Variants in ARL15 observed in about 807,000 individuals in gnomAD.
ARL15 encodes ADP-ribosylation factor-like protein 15.
ARL15 carries 19 observed loss-of-function variants against 25.2 expected under a neutral mutation model. That is an observed-to-expected ratio of 0.75 (90% CI 0.53 to 1.10). ARL15 has a LOEUF of 1.10. Among genes scored for constraint, ARL15 ranks in the 50% least tolerant of loss-of-function variants. ARL15 has a pLI of 0.00. For synonymous variants in ARL15, 94 were observed against 86.8 expected (o/e 1.08, Z -0.46); for missense variants, 220 against 246.0 (o/e 0.89, Z 0.71).
intron 4 of ARL15, among the ~76,000 whole-genome samples, chr5:53,890,478 C>T (rs1252504488): frequency 6.6e-6 from 1 of 152,134 alleles, no homozygotes; most frequent in Admixed American, 6.5e-5. Flanking sequence ...TGAACTAGCA[C>T]GGTTAAGTGA....
intron 3 of ARL15, among the ~76,000 whole-genome samples, chr5:54,128,220 TA>T (rs1659844888): frequency 6.6e-6 from 1 of 152,218 alleles, no homozygotes; most frequent in Non-Finnish European, 1.5e-5. Flanking sequence ...TTTTATTTTT[TA>T]TAAGACTACT....
At chr5:53,982,156 C>T (rs925560036) in intron 4 of ARL15, among the ~76,000 whole-genome samples, 3 of 150,866 alleles carry the variant, frequency 2.0e-5, no homozygotes, top group South Asian at 2.1e-4. Context: ...TTGATAACCC[C>T]GGGCTTTTAA....
intron 1 of ARL15, among the ~76,000 whole-genome samples, chr5:54,213,406 A>T (rs1756099361): frequency 6.6e-6 from 1 of 152,220 alleles, no homozygotes; most frequent in African/African-American, 2.4e-5. Context: ...ATTGCAAAAG[A>T]TAAGGTGGCA....
intron 4 of ARL15, among the ~76,000 whole-genome samples, chr5:54,011,646 A>T (rs1174564547): frequency 6.6e-6 from 1 of 152,196 alleles, no homozygotes; most frequent in Admixed American, 6.5e-5. Flanking sequence ...CAGAAAATTC[A>T]GGAAGGGAAG....
intron 4 of ARL15, among the ~76,000 whole-genome samples, chr5:53,956,535 G>A (rs1254787808): frequency 6.6e-6 from 1 of 151,250 alleles, no homozygotes; most frequent in African/African-American, 2.4e-5. Flanking sequence ...TTTCCCTGAG[G>A]ACCAAAGGCA....
At chr5:54,193,860 G>A (rs1755475391) in intron 1 of ARL15, among the ~76,000 whole-genome samples, 1 of 151,730 alleles carries the variant, frequency 6.6e-6, no homozygotes. Flanking sequence ...TCAGATCTAG[G>A]TTTATAAAAT....
chr5:54,232,706 C>T (rs974999448), intron 1 of ARL15, among the ~76,000 whole-genome samples: 2 of 152,146 alleles, frequency 1.3e-5, no homozygotes, highest in African/African-American at 4.8e-5. Context: ...GGGACCTCTC[C>T]GGTCTGCTCT....
chr5:54,304,857 T>A (rs75043717), intron 1 of ARL15, among the ~76,000 whole-genome samples: 43 of 152,178 alleles, frequency 2.8e-4, no homozygotes, highest in African/African-American at 8.2e-4. Context: ...CTTTTTTTTT[T>A]ATCAATAAAG....
At chr5:53,926,826 G>A (rs796083449) in intron 4 of ARL15, among the ~76,000 whole-genome samples, 8 of 151,870 alleles carry the variant, frequency 5.3e-5, no homozygotes, top group African/African-American at 1.9e-4. Context: ...AAAGGAAGTT[G>A]TTCAATGAGC....
At chr5:53,910,204 T>G (rs1025907240) in intron 4 of ARL15, among the ~76,000 whole-genome samples, 14 of 152,116 alleles carry the variant, frequency 9.2e-5, no homozygotes, top group African/African-American at 3.4e-4. Flanking sequence ...GGACAGGAAA[T>G]GAAATCTCCA....
intron 4 of ARL15, among the ~76,000 whole-genome samples, chr5:54,033,685 A>AG (rs1344226643): frequency 6.6e-6 from 1 of 152,078 alleles, no homozygotes; most frequent in Admixed American, 6.5e-5. Flanking sequence ...AAAAAAAAAA[A>AG]AAGAAAGAAA....
chr5:54,168,086 G>T (rs1319263679), intron 2 of ARL15, among the ~76,000 whole-genome samples: 2 of 152,194 alleles, frequency 1.3e-5, no homozygotes, highest in African/African-American at 4.8e-5. Flanking sequence ...CCAAAGAGCA[G>T]GGTTGTTTGT....
At chr5:54,203,775 A>T (rs563366833) in intron 1 of ARL15, among the ~76,000 whole-genome samples, 1 of 152,172 alleles carries the variant, frequency 6.6e-6, no homozygotes, top group Non-Finnish European at 1.5e-5. Context: ...TGTTTTCAGT[A>T]ATCCAAAGTG....
At chr5:54,237,523 A>C (rs1163664870) in intron 1 of ARL15, among the ~76,000 whole-genome samples, 1 of 152,208 alleles carries the variant, frequency 6.6e-6, no homozygotes, top group Non-Finnish European at 1.5e-5. Context: ...AAAAGGGGGA[A>C]TACATCTAAG....
At chr5:54,114,037 C>T (rs1310918925) in intron 3 of ARL15, among the ~76,000 whole-genome samples, 2 of 152,118 alleles carry the variant, frequency 1.3e-5, no homozygotes, top group African/African-American at 2.4e-5. Context: ...TAACAGACAA[C>T]AGGTGTACAC....
At chr5:54,116,773 GAAACCA>G (rs1430560242) in intron 3 of ARL15, among the ~76,000 whole-genome samples, 1 of 152,068 alleles carries the variant, frequency 6.6e-6, no homozygotes, top group Non-Finnish European at 1.5e-5. Context: ...TATCAACAAG[GAAACCA>G]AAACACAAAA....
chr5:53,899,468 A>G (rs1424315528), intron 4 of ARL15, among the ~76,000 whole-genome samples: 3 of 145,544 alleles, frequency 2.1e-5, no homozygotes, highest in Admixed American at 7.0e-5. Flanking sequence ...CCTAATCTCT[A>G]TTTCATTTAT....
chr5:53,959,289 T>C (rs1195916397), intron 4 of ARL15, among the ~76,000 whole-genome samples: 1 of 152,216 alleles, frequency 6.6e-6, no homozygotes, highest in Non-Finnish European at 1.5e-5. Flanking sequence ...AGATGCACTG[T>C]TAAGCCAAAT....
intron 3 of ARL15, among the ~76,000 whole-genome samples, chr5:54,148,305 G>A (rs1753968070): frequency 6.6e-6 from 1 of 152,144 alleles, no homozygotes; most frequent in African/African-American, 2.4e-5. Flanking sequence ...CTTTCACTAT[G>A]AGGAGGCGTA....
Sources: allele counts gnomAD v4.1 joint callset (sites outside exome capture counted in the v4.1 genomes callset), GRCh38; gene constraint gnomAD v4.1.1; transcripts MANE v1.5; gene names NCBI Gene and HGNC (gene_info 2026-07-23, HGNC 2026-07-21).